The following NPAS3 variants were observed in gnomAD, a reference collection of about 807,000 sequenced individuals.
NPAS3 encodes the protein neuronal PAS domain protein 3, also known as neuronal PAS domain-containing protein 3.
A neutral mutation model predicts 73.1 loss-of-function variants in NPAS3; 14 were observed. The ratio of observed to expected loss-of-function variants is 0.19; its 90% CI spans 0.13 to 0.30. NPAS3 has a LOEUF of 0.30. NPAS3 is among the 10% of genes least tolerant of loss of function. The pLI, the probability that NPAS3 is intolerant of heterozygous loss-of-function variation, is 1.00. For synonymous variants in NPAS3, 620 were observed against 541.5 expected, an observed-to-expected ratio of 1.14 and a Z score of -2.01; for missense variants, 1,096 against 1,250.0, an observed-to-expected ratio of 0.88 and a Z score of 1.86.
intron 9 of NPAS3, among the ~76,000 whole-genome samples, chr14:33,782,870 A>G (rs2063022996): frequency 6.6e-6 from 1 of 151,860 alleles, no homozygotes; most frequent in African/African-American, 2.4e-5. Context: ...TCTTAATTAC[A>G]AACTTCTATA....
intron 5 of NPAS3, among the ~76,000 whole-genome samples, chr14:33,577,464 T>C (rs772168261): frequency 3.9e-5 from 6 of 152,154 alleles, no homozygotes; most frequent in Non-Finnish European, 7.3e-5. Flanking sequence ...TCAGAGCACG[T>C]TCCTATACCT....
intron 4 of NPAS3, among the ~76,000 whole-genome samples, chr14:33,430,124 A>T (rs2048721581): frequency 6.6e-6 from 1 of 152,138 alleles, no homozygotes; most frequent in South Asian, 2.1e-4. Context: ...CTTGATGAGG[A>T]TTGTAAAATA....
intron 6 of NPAS3, among the ~76,000 whole-genome samples, chr14:33,720,361 T>C (rs2140539569): frequency 6.6e-6 from 1 of 152,204 alleles, no homozygotes; most frequent in Non-Finnish European, 1.5e-5. Flanking sequence ...GAAAAGTTGC[T>C]CATTAAGGGA....
intron 7 of NPAS3, among the ~76,000 whole-genome samples, chr14:33,772,203 A>G (rs1017338790): frequency 2.6e-5 from 4 of 152,226 alleles, no homozygotes; most frequent in African/African-American, 9.6e-5. Context: ...TTTACAGTTT[A>G]TAGTCACCGT....
intron 5 of NPAS3, among the ~76,000 whole-genome samples, chr14:33,661,359 T>G (rs2059303145): frequency 6.6e-6 from 1 of 152,208 alleles, no homozygotes. Context: ...TTGAGTGACC[T>G]TCTACAAAAT....
In NPAS3 at chr14:33,231,162, C is replaced by T. The variant is rs143957063; in HGVS notation, c.385+15736C>T. ...ACTACACTTTGTGAAATGACAAGTC[C>T]TGGACAATTGTTTATAAAATATTTT... is the stretch of plus-strand genomic sequence containing the variant. On this transcript the variant is annotated intron_variant, in intron 3 of 11. Coordinates refer to ENST00000356141, the Ensembl canonical transcript of NPAS3. Among the ~76,000 whole-genome samples, 714 of 152,248 alleles carry T rather than the reference C, an allele frequency of 4.7e-3. 3 individuals are homozygous for T. Among genetic ancestry groups the T allele is most frequent in the African/African-American group, 0.017 (690 of 41,548 alleles).
intron 7 of NPAS3, among the ~76,000 whole-genome samples, chr14:33,741,099 G>C (rs74627998): frequency 2.6e-5 from 4 of 152,258 alleles, no homozygotes; most frequent in African/African-American, 9.6e-5. Context: ...GAACTCATCA[G>C]CTAGGAGTCT....
chr14:33,302,002 T>C (rs1332810040), intron 3 of NPAS3, among the ~76,000 whole-genome samples: 1 of 152,184 alleles, frequency 6.6e-6, no homozygotes, highest in African/African-American at 2.4e-5. Flanking sequence ...TCTCCGTGCG[T>C]GGCTTGCCTT....
chr14:33,595,539 T>C (rs1311023322), intron 5 of NPAS3, among the ~76,000 whole-genome samples: 1 of 152,030 alleles, frequency 6.6e-6, no homozygotes, highest in African/African-American at 2.4e-5. Context: ...TTAGAACATA[T>C]GCATGTAAAA....
chr14:33,328,803 C>T (rs2043842398), intron 3 of NPAS3, among the ~76,000 whole-genome samples: 1 of 152,044 alleles, frequency 6.6e-6, no homozygotes, highest in South Asian at 2.1e-4. Flanking sequence ...TGAATACTTA[C>T]TCCTTTAACT....
At chr14:33,316,612 A>G (rs2043215850) in intron 3 of NPAS3, among the ~76,000 whole-genome samples, 1 of 152,132 alleles carries the variant, frequency 6.6e-6, no homozygotes, top group African/African-American at 2.4e-5. Context: ...TTTACATTAG[A>G]CAAGCCCTTG....
At chr14:33,553,581 G>A (rs2055220731) in intron 4 of NPAS3, among the ~76,000 whole-genome samples, 1 of 152,146 alleles carries the variant, frequency 6.6e-6, no homozygotes, top group Admixed American at 6.5e-5. Flanking sequence ...GTGGCTTTTG[G>A]TACCTGACAG....
chr14:33,649,439 A>G (rs1479013508), intron 5 of NPAS3, among the ~76,000 whole-genome samples: 2 of 152,230 alleles, frequency 1.3e-5, no homozygotes, highest in Non-Finnish European at 2.9e-5. Flanking sequence ...CTGGGATGCC[A>G]ACAGTACGGT....
chr14:33,774,129 C>T (rs1438621932), intron 7 of NPAS3, among the ~76,000 whole-genome samples: 1 of 152,148 alleles, frequency 6.6e-6, no homozygotes, highest in Non-Finnish European at 1.5e-5. Context: ...AGAATGCTGC[C>T]TTGAGGAACG....
intron 4 of NPAS3, among the ~76,000 whole-genome samples, chr14:33,477,415 C>T (rs61974984): frequency 6.6e-6 from 1 of 152,272 alleles, no homozygotes; most frequent in Admixed American, 6.5e-5. Context: ...TGACATTGCT[C>T]TCACCGTCCA....
At chr14:33,039,143 C>T (rs1037756022) in intron 1 of NPAS3, among the ~76,000 whole-genome samples, 2 of 152,280 alleles carry the variant, frequency 1.3e-5, no homozygotes, top group South Asian at 2.1e-4. Context: ...TGATCTATAG[C>T]ATCATTCTGG....
intron 1 of NPAS3, among the ~76,000 whole-genome samples, chr14:32,944,628 C>A (rs2036176478): frequency 6.6e-6 from 1 of 152,030 alleles, no homozygotes; most frequent in Non-Finnish European, 1.5e-5. Flanking sequence ...CTGCGCTGAG[C>A]CTCATTAGTG....
intron 3 of NPAS3, among the ~76,000 whole-genome samples, chr14:33,322,580 C>T (rs1594688670): frequency 6.6e-6 from 1 of 151,578 alleles, no homozygotes; most frequent in East Asian, 1.9e-4. Flanking sequence ...GTCTTTTTGT[C>T]ATTGACGTTC....
chr14:33,696,798 A>G (rs1417098281), intron 6 of NPAS3, among the ~76,000 whole-genome samples: 1 of 152,208 alleles, frequency 6.6e-6, no homozygotes, highest in Non-Finnish European at 1.5e-5. Flanking sequence ...TGTTTCGTAT[A>G]TAACGTATAT....
Sources: gnomAD v4.1 joint callset for allele counts (sites outside exome capture counted in the v4.1 genomes callset) on GRCh38, gnomAD v4.1.1 for gene constraint, MANE v1.5 for transcripts, NCBI Gene and HGNC (gene_info 2026-07-23, HGNC 2026-07-21) for gene names.